Variants in PBX4 observed in about 807,000 individuals in gnomAD.
PBX4 encodes the protein PBX homeobox 4.
In PBX4, 26 loss-of-function variants were observed where a neutral mutation model predicts 35.1. The ratio of observed to expected loss-of-function variants is 0.74; its 90% confidence interval spans 0.54 to 1.03. The LOEUF is 1.03. PBX4 is among the 50% of genes least tolerant of loss of function. The probability of loss-of-function intolerance (pLI) is 0.00; values close to 1 mark genes in which losing one functional copy is unlikely to be tolerated. For missense variants in PBX4, 448 were observed against 504.3 expected, an observed-to-expected ratio of 0.89 and a Z score of 1.07; for synonymous variants, 199 against 204.2, an observed-to-expected ratio of 0.97 and a Z score of 0.22.
At chr19:19,609,192 G>C (rs549944437) in intron 1 of PBX4, among the ~76,000 whole-genome samples, 1 of 152,214 alleles carries the variant, frequency 6.6e-6, no homozygotes, top group East Asian at 1.9e-4. Context: ...GAGTTCAATA[G>C]AGCATGCCCA....
chr19:19,572,177 T>C (rs958148970), intron 2 of PBX4, among the ~76,000 whole-genome samples: 10 of 137,410 alleles, frequency 7.3e-5, no homozygotes, highest in African/African-American at 2.8e-4. Context: ...CAGGTTCCAG[T>C]GATTCTCCTG....
intron 1 of PBX4, among the ~76,000 whole-genome samples, chr19:19,603,762 G>C (rs1004495993): frequency 1.3e-5 from 2 of 152,084 alleles, no homozygotes; most frequent in Non-Finnish European, 2.9e-5. Flanking sequence ...TTCGAGACCA[G>C]CCTGGCCAAC....
intron 1 of PBX4, among the ~76,000 whole-genome samples, chr19:19,601,343 TA>T (rs2061596109): frequency 6.6e-6 from 1 of 152,076 alleles, no homozygotes; most frequent in Admixed American, 6.5e-5. Context: ...TGCTGAGTGT[TA>T]GGGGTGAGGG....
At chr19:19,580,268 A>G (rs1015378865) in intron 2 of PBX4, among the ~76,000 whole-genome samples, 1 of 152,196 alleles carries the variant, frequency 6.6e-6, no homozygotes, top group Non-Finnish European at 1.5e-5. Flanking sequence ...TGCTTTCTAG[A>G]AACCTTTTGA....
At position 19,563,370 on chromosome 19, in the gene PBX4, G is replaced by A. The variant is rs1235626566; in HGVS notation, c.1032+139C>T. On this transcript the variant is annotated intron_variant, in intron 7 of 7. Coordinates refer to ENST00000251203, the MANE Select transcript of PBX4 (RefSeq NM_025245.3). This position sits in a 1 kb window ranked among gnomAD's most constrained non-coding sequence, Gnocchi z 5.1. ...GGGCCCTGCAGAGCTGTGCCCCAGA[G>A]GTGGCCGCGCAGCATGGCCTGTGTG... is the stretch of plus-strand genomic sequence containing the variant. 3.1e-6 allele frequency: 2 copies of A among 637,328 alleles called. No homozygotes were observed. Among genetic ancestry groups the A allele is most frequent in the African/African-American group, 3.7e-5 (2 of 54,144 alleles). The allele number at this position is 637,328 out of a possible 1,614,324, so 39.5% of individuals were successfully genotyped here.
chr19:19,570,999 C>A, intron 2 of PBX4, 166 bp from the exon 3 acceptor site: 1 of 857,598 alleles, frequency 1.2e-6, no homozygotes. Flanking sequence ...CACTGAGCAC[C>A]CCGCTAAGAC....
At chr19:19,602,434 G>A (rs1031420913) in intron 1 of PBX4, among the ~76,000 whole-genome samples, 2 of 151,906 alleles carry the variant, frequency 1.3e-5, no homozygotes, top group Non-Finnish European at 2.9e-5. Flanking sequence ...TAAAAGACAG[G>A]GTGTGTGTTA....
intron 1 of PBX4, among the ~76,000 whole-genome samples, chr19:19,614,396 G>C (rs2061677995): frequency 6.6e-6 from 1 of 151,794 alleles, no homozygotes; most frequent in Admixed American, 6.6e-5. Context: ...CACTTTGAGA[G>C]GCCAAGGCGG....
chr19:19,602,737 G>GTT lies in PBX4; in HGVS notation c.120-3374_120-3373dup, dbSNP rs112277891. On this transcript the variant is annotated intron_variant, in intron 1 of 7. Coordinates refer to ENST00000251203, the MANE Select transcript of PBX4 (RefSeq NM_025245.3). ...GGCATGAGCCTGGACTATTAATTATGTTTTTTTTTTATCTTGCTTTGACAT... is the reference window on the plus strand; with the variant it reads ...GGCATGAGCCTGGACTATTAATTATGTTTTTTTTTTTTATCTTGCTTTGACAT... Among the ~76,000 whole-genome samples, 336 of 150,504 alleles carry GTT rather than the reference G, an allele frequency of 2.2e-3. 3 individuals are homozygous for GTT. Among genetic ancestry groups the GTT allele is most frequent in the African/African-American group, 7.5e-3 (307 of 41,084 alleles).
chr19:19,605,526 T>C (rs1389065380), intron 1 of PBX4, among the ~76,000 whole-genome samples: 1 of 151,686 alleles, frequency 6.6e-6, no homozygotes, highest in African/African-American at 2.4e-5. Context: ...CTAGGGAGGC[T>C]GAGGTGGGAG....
In PBX4 at chr19:19,615,572, A is replaced by C. The variant is rs982687794; in HGVS notation, c.119+2939T>G. Among the ~76,000 whole-genome samples, 4 of 152,250 alleles carry C rather than the reference A, an allele frequency of 2.6e-5. No individual in the cohort carries two copies. The East Asian group carries it at 7.7e-4, about 29-fold the overall frequency. The stretch of plus-strand genomic sequence containing the variant: ...ACCCAGATATTGTAAAGGTCCGATA[A>C]ATATCGGCCAAATTTGTTAAAAATT... On this transcript the variant is annotated intron_variant, in intron 1 of 7. Transcript: ENST00000251203.
In PBX4 at chr19:19,561,767, C is replaced by T. The variant is rs904567520; in HGVS notation, c.*258G>A. On this transcript the variant is annotated 3_prime_UTR_variant, in exon 8 of 8. Coordinates refer to ENST00000251203, the MANE Select transcript of PBX4 (RefSeq NM_025245.3). The stretch of plus-strand genomic sequence containing the variant: ...AATCTGTGCCCAGTCCTAGAACAGA[C>T]AATTCAATTCATAGCGTTACCATAA... The T allele has an allele frequency of 7.4e-6, 3 of 405,276 alleles. No individual in the cohort carries two copies. The highest frequency in any genetic ancestry group is 6.2e-5 in the African/African-American group (3 of 48,578). 25.1% of individuals were successfully genotyped at this position (405,276 alleles called of 1,614,324 possible). A position where few individuals can be genotyped will look rare whatever the true frequency, so the allele number is the denominator to read the frequency against.
At chr19:19,595,141 G>A (rs1240766747) in intron 2 of PBX4, among the ~76,000 whole-genome samples, 1 of 152,226 alleles carries the variant, frequency 6.6e-6, no homozygotes, top group Non-Finnish European at 1.5e-5. Flanking sequence ...GTCAGGGTCA[G>A]GGGTGAGCAA....
In PBX4 at chr19:19,612,237, A is replaced by G. The variant is rs2061666423; in HGVS notation, c.119+6274T>C. ...GGTTGCAGTGAACTGAGATCGCACC[A>G]CTGTATCCCAGCGAGGGCAACAGAG... On this transcript the variant is annotated intron_variant, in intron 1 of 7. Transcript: ENST00000251203. Among the ~76,000 whole-genome samples the G allele has an allele frequency of 2.0e-5, 3 of 152,154 alleles. No individual in the cohort carries two copies. In the South Asian group the frequency reaches 6.2e-4, roughly 32 times the overall value.
At chr19:19,581,245 T>A (rs912621920) in intron 2 of PBX4, among the ~76,000 whole-genome samples, 3 of 152,216 alleles carry the variant, frequency 2.0e-5, no homozygotes, top group Non-Finnish European at 4.4e-5. Context: ...TTTCCTTTCT[T>A]TTCCCCAGTA....
intron 2 of PBX4, among the ~76,000 whole-genome samples, chr19:19,583,968 C>T (rs1223830149): frequency 3.3e-5 from 5 of 152,110 alleles, no homozygotes; most frequent in African/African-American, 1.2e-4. Flanking sequence ...ACTCGGGAGG[C>T]TGAGGCAGGA....
intron 1 of PBX4, among the ~76,000 whole-genome samples, chr19:19,612,153 A>C (rs986617778): frequency 6.6e-6 from 1 of 151,630 alleles, no homozygotes; most frequent in Non-Finnish European, 1.5e-5. Flanking sequence ...ACCTGTACAC[A>C]CCTGTAATCC....
chr19:19,586,146 G>T (rs750105850), intron 2 of PBX4, among the ~76,000 whole-genome samples: 6 of 152,156 alleles, frequency 3.9e-5, no homozygotes, highest in Non-Finnish European at 7.3e-5. Context: ...GCATGTGGTG[G>T]CTTATGCCTG....
chr19:19,590,694 C>T (rs1192400842), intron 2 of PBX4, among the ~76,000 whole-genome samples: 2 of 152,090 alleles, frequency 1.3e-5, no homozygotes, highest in Admixed American at 6.6e-5. Context: ...GTCTCGAACC[C>T]CTGACCTCAA....
Sources: allele counts gnomAD v4.1 joint callset (sites outside exome capture counted in the v4.1 genomes callset), GRCh38; gene constraint gnomAD v4.1.1; non-coding constraint Gnocchi (gnomAD v3.1); transcripts MANE v1.5; gene names NCBI Gene and HGNC (gene_info 2026-07-23, HGNC 2026-07-21).